The following ERC1 variants were observed in gnomAD, a reference collection of about 807,000 sequenced individuals.
The protein encoded by ERC1 is RAB6 interacting protein 2.
A neutral mutation model predicts 132.0 loss-of-function variants in ERC1; 56 were observed. The observed-to-expected ratio is 0.42, with a 90% confidence interval of 0.34 to 0.53. ERC1 has a LOEUF of 0.53. Ranked by LOEUF, ERC1 falls within the 20% of genes least tolerant of loss-of-function variation. The pLI is 0.03. For synonymous variants in ERC1, 478 were observed against 476.1 expected (o/e 1.00, Z -0.05); for missense variants, 1,202 against 1,349.9 (o/e 0.89, Z 1.72).
intron 15 of ERC1, among the ~76,000 whole-genome samples, chr12:1,363,565 T>C (rs907729869): frequency 2.9e-4 from 40 of 137,266 alleles, no homozygotes; most frequent in African/African-American, 1.1e-3. Context: ...TTTTTTTTTT[T>C]TTCTAGAGAC....
chr12:1,354,247 G>A (rs1475093402), intron 15 of ERC1, among the ~76,000 whole-genome samples: 1 of 152,084 alleles, frequency 6.6e-6, no homozygotes, highest in African/African-American at 2.4e-5. Flanking sequence ...GTTAAGGCCA[G>A]GTGTGGTGGC....
chr12:1,005,304 C>T (rs1338711374), intron 1 of ERC1, among the ~76,000 whole-genome samples: 1 of 151,820 alleles, frequency 6.6e-6, no homozygotes, highest in African/African-American at 2.4e-5. Context: ...GAGTGCACCA[C>T]CACACCCAGC....
intron 17 of ERC1, among the ~76,000 whole-genome samples, chr12:1,414,852 G>C (rs528291658): frequency 6.6e-6 from 1 of 152,136 alleles, no homozygotes; most frequent in South Asian, 2.1e-4. Context: ...ATATGTGTGT[G>C]TGTGTCTGTG....
In ERC1 at chr12:1,029,893, G is replaced by A. The variant is rs553089252; in HGVS notation, c.669+1321G>A. On this transcript the variant is annotated intron_variant, in intron 2 of 18. Transcript: ENST00000360905. ...CTCCTGAGTAGCTGGGATTACAGGTGCCCGCCACCACGCCTGGCTAATATT... is the reference window on the plus strand; with the variant it reads ...CTCCTGAGTAGCTGGGATTACAGGTACCCGCCACCACGCCTGGCTAATATT... 3.9e-5 allele frequency among the ~76,000 whole-genome samples: 6 copies of A among 151,994 alleles called. No individual in the cohort carries two copies. The South Asian group carries it at 1.0e-3, about 26-fold the overall frequency.
intron 8 of ERC1, among the ~76,000 whole-genome samples, chr12:1,162,748 A>G (rs1425370913): frequency 6.6e-6 from 1 of 152,104 alleles, no homozygotes; most frequent in Non-Finnish European, 1.5e-5. Flanking sequence ...TATTTTTAAT[A>G]AGGATCAATT....
intron 7 of ERC1, among the ~76,000 whole-genome samples, chr12:1,134,250 C>G (rs1439086011): frequency 2.0e-5 from 3 of 151,714 alleles, no homozygotes; most frequent in Admixed American, 2.0e-4. Flanking sequence ...CAATTATATT[C>G]TTCTTACTAT....
intron 3 of ERC1, among the ~76,000 whole-genome samples, chr12:1,093,589 G>T (rs1943530820): frequency 6.6e-6 from 1 of 152,060 alleles, no homozygotes. Context: ...TTAAATGCTG[G>T]TATGCTATTG....
At chr12:1,291,870 T>C (rs2079475992) in intron 15 of ERC1, among the ~76,000 whole-genome samples, 1 of 152,200 alleles carries the variant, frequency 6.6e-6, no homozygotes, top group Non-Finnish European at 1.5e-5. Context: ...TAGCCAGCCC[T>C]GGAGAGGAGG....
chr12:1,095,378 C>T (rs926906236), intron 3 of ERC1, among the ~76,000 whole-genome samples: 16 of 126,960 alleles, frequency 1.3e-4, no homozygotes, highest in African/African-American at 3.2e-4. Context: ...TGCAGTGAGC[C>T]GAGATTGTGC....
At chr12:1,276,064 A>G (rs1293902312) in intron 14 of ERC1, among the ~76,000 whole-genome samples, 3 of 152,272 alleles carry the variant, frequency 2.0e-5, no homozygotes, top group South Asian at 4.1e-4. Flanking sequence ...CTTTTTCAGA[A>G]GAGTAAAGAA....
chr12:1,456,688 G>A (rs7298572), intron 18 of ERC1, among the ~76,000 whole-genome samples: 13,966 of 151,696 alleles, frequency 0.092, 2,160 homozygotes, highest in African/African-American at 0.32. Flanking sequence ...GTGAGGCCAA[G>A]GGGGAGCACA....
rs902054229 is a variant in ERC1, at chr12:1,144,246, C to CT, written c.1737+2467dup. On this transcript the variant is annotated intron_variant, in intron 8 of 18. Coordinates refer to ENST00000360905, the MANE Select transcript of ERC1 (RefSeq NM_178040.4). ...TAAATAAAGTGAATTAAAACTTAAA[C>CT]TTTTTTTTATTATTTTTTGTTTCAG... Among the ~76,000 whole-genome samples the CT allele has an allele frequency of 1.6e-3, 247 of 152,102 alleles. 1 individual carries two copies. Among genetic ancestry groups the CT allele is most frequent in the Non-Finnish European group, 2.6e-3 (176 of 67,986 alleles).
intron 14 of ERC1, among the ~76,000 whole-genome samples, chr12:1,279,841 G>T (rs907693013): frequency 5.3e-5 from 8 of 151,906 alleles, no homozygotes; most frequent in African/African-American, 1.9e-4. Context: ...GACTACAGGC[G>T]TGCGCCACCA....
At chr12:1,322,677 T>C (rs577358982) in intron 15 of ERC1, among the ~76,000 whole-genome samples, 47 of 152,310 alleles carry the variant, frequency 3.1e-4, no homozygotes, top group African/African-American at 1.0e-3. Flanking sequence ...TTTTCTCACC[T>C]GATAAAATTT....
chr12:1,251,788 G>A (rs1483759139), intron 13 of ERC1, among the ~76,000 whole-genome samples: 4 of 152,200 alleles, frequency 2.6e-5, no homozygotes, highest in African/African-American at 9.6e-5. Flanking sequence ...TTTATTGAAA[G>A]ACTTTATTGA....
chr12:1,322,718 A>G (rs77569039), intron 15 of ERC1, among the ~76,000 whole-genome samples: 3,842 of 152,192 alleles, frequency 0.025, 74 homozygotes, highest in South Asian at 0.079. Flanking sequence ...TCTGATTGAA[A>G]TCTGACATAA....
chr12:1,058,109 C>T (rs942215757), intron 2 of ERC1, among the ~76,000 whole-genome samples: 1 of 151,992 alleles, frequency 6.6e-6, no homozygotes, highest in Non-Finnish European at 1.5e-5. Flanking sequence ...GCATAGTTTG[C>T]AGATGTTTTC....
intron 1 of ERC1, among the ~76,000 whole-genome samples, chr12:1,022,720 C>T (rs1966563084): frequency 1.3e-5 from 2 of 152,222 alleles, no homozygotes; most frequent in Admixed American, 1.3e-4. Context: ...GGCTTGAGTG[C>T]AGTGGCATAA....
At position 1,389,920 on chromosome 12, in the gene ERC1, A is replaced by G. The variant is rs2089797159; in HGVS notation, c.2925+17943A>G. ...GTAGTGCCTTTAAAGAAACAACAAC[A>G]AAAAAACCCTTGAGTAGGTTAATCT... On this transcript the variant is annotated intron_variant, in intron 16 of 18. Transcript: ENST00000360905. 2.0e-5 allele frequency among the ~76,000 whole-genome samples: 3 copies of G among 152,302 alleles called. No individual in the cohort carries two copies. The South Asian group carries it at 6.2e-4, about 32-fold the overall frequency.
Sources: allele counts gnomAD v4.1 joint callset (sites outside exome capture counted in the v4.1 genomes callset), GRCh38; gene constraint gnomAD v4.1.1; transcripts MANE v1.5; gene names NCBI Gene and HGNC (gene_info 2026-07-23, HGNC 2026-07-21).